Variants in ACBD5 observed in about 807,000 individuals in gnomAD.
The protein encoded by ACBD5 is acyl-CoA binding domain containing 5, also known as acyl-CoA-binding domain-containing protein 5.
ACBD5 carries 40 observed loss-of-function variants against 71.8 expected under a neutral mutation model. The ratio of observed to expected loss-of-function variants is 0.56; its 90% CI spans 0.43 to 0.72. The LOEUF is 0.72. ACBD5 is among the 30% of genes least tolerant of loss of function. The probability of loss-of-function intolerance (pLI) is 0.00; values close to 1 mark genes in which losing one functional copy is unlikely to be tolerated. For synonymous variants in ACBD5, 229 were observed against 218.6 expected (o/e 1.05, Z -0.42); for missense variants, 559 against 644.5 (o/e 0.87, Z 1.44).
In ACBD5 at chr10:27,195,274, C is replaced by T. The variant is rs1475262348; in HGVS notation, c.*2156G>A. ...TTACAATAAACAGAAAAGAAGTTATCATTAAAAAAATACCATAGCTGTCAA... is the reference window on the plus strand; with the variant it reads ...TTACAATAAACAGAAAAGAAGTTATTATTAAAAAAATACCATAGCTGTCAA... On this transcript the variant is annotated 3_prime_UTR_variant, in exon 13 of 13. Transcript: ENST00000396271. The T allele has an allele frequency of 2.3e-6, 1 of 427,978 alleles. No individual in the cohort carries two copies. The highest frequency in any genetic ancestry group is 4.6e-6 in the Non-Finnish European group (1 of 219,218). 26.5% of individuals were successfully genotyped at this position (427,978 alleles called of 1,614,324 possible).
chr10:27,208,432 T>A lies in ACBD5; in HGVS notation c.1218A>T (p.Gln406His), dbSNP rs2060702940. 1 of 1,613,790 alleles carries A rather than the reference T, an allele frequency of 6.2e-7. No individual in the cohort carries two copies. Among genetic ancestry groups the A allele is most frequent in the Admixed American group, 1.7e-5 (1 of 60,006 alleles). ...GGCCCTTGGTTCCTTCGCTCAAGTG[T>A]TGCATCCTATGTCCTATTTTAAGAG... ...NVRRGRGHRM[Q>H]HLSEGTKGRQ... is the part of the protein sequence containing the mutation. Residue 406 changes from glutamine (Q) to histidine (H), a missense_variant, in exon 10 of 13, where the codon CAA (glutamine) becomes CAT (histidine). Physicochemically the swap from Gln to His is conservative, Grantham distance 24. Coordinates refer to ENST00000396271, the MANE Select transcript of ACBD5 (RefSeq NM_145698.5).
chr10:27,204,313 T>C (rs1264630045), intron 12 of ACBD5, 127 bp downstream of exon 12: 3 of 710,386 alleles, frequency 4.2e-6, no homozygotes, highest in Non-Finnish European at 7.5e-6. Flanking sequence ...TCAGGATAAA[T>C]ATAGAATGTT....
intron 13 of ACBD5, among the ~76,000 whole-genome samples, chr10:27,184,297 G>A (rs967227855): frequency 1.3e-5 from 2 of 152,188 alleles, no homozygotes; most frequent in African/African-American, 4.8e-5. Context: ...TCTGTGAAGA[G>A]GGGCATTTGA....
chr10:27,208,185 A>G (rs2060669289), intron 10 of ACBD5, 61 bp downstream of exon 10: 16 of 1,499,496 alleles, frequency 1.1e-5, no homozygotes, highest in Non-Finnish European at 1.5e-5. Flanking sequence ...ATCAACGCAG[A>G]CTCCACATTG....
chr10:27,228,730 A>AT (rs2063399338), intron 4 of ACBD5, among the ~76,000 whole-genome samples: 1 of 145,282 alleles, frequency 6.9e-6, no homozygotes, highest in Non-Finnish European at 1.5e-5. Context: ...TTTCAGTGAC[A>AT]TTTTATGGGA....
At chr10:27,238,118 TGTATTTTTA>T (rs1224650501) in intron 2 of ACBD5, among the ~76,000 whole-genome samples, 1 of 151,952 alleles carries the variant, frequency 6.6e-6, no homozygotes, top group Non-Finnish European at 1.5e-5. Flanking sequence ...GCTAATTTTT[TGTATTTTTA>T]GTAGAGACGG....
In ACBD5 at chr10:27,208,405, C is replaced by T. The variant is rs1238142411; in HGVS notation, c.1245G>A (p.Arg415=). ...CCCCATCACCTCCACTTCCCACCTG[C>T]CGGCCCTTGGTTCCTTCGCTCAAGT... The part of the protein sequence containing the change: ...MQHLSEGTKG[R]QVGSGGDGER... The change falls in exon 10 of 13, where the codon CGG becomes CGA. Residue 415 remains arginine, a synonymous_variant. Coordinates refer to ENST00000396271, the MANE Select transcript of ACBD5 (RefSeq NM_145698.5). 7 of 1,614,034 alleles carry T rather than the reference C, an allele frequency of 4.3e-6. No homozygotes were observed. The highest frequency in any genetic ancestry group is 1.1e-5 in the South Asian group (1 of 91,086).
Position 27,240,363 on chromosome 10 carries a change from C to G in ACBD5, c.137G>C (p.Arg46Thr), listed in dbSNP as rs1350804446. 6.2e-7 allele frequency: 1 copy of G among 1,614,110 alleles called. No homozygotes were observed. Among genetic ancestry groups the G allele is most frequent in the South Asian group, 1.1e-5 (1 of 91,088 alleles). ...GATCACCTTCACGGCCGCCTCAAACCTAGTCTCGTGCACGGATCTCGTGTC... is the reference window on the plus strand; with the variant it reads ...GATCACCTTCACGGCCGCCTCAAACGTAGTCTCGTGCACGGATCTCGTGTC... ...MADTRSVHET[R>T]FEAAVKVIQS... The change falls in exon 2 of 13, where the codon AGG (arginine) becomes ACG (threonine). Residue 46 changes from arginine to threonine, a missense_variant. By Grantham distance (71) the Arg-to-Thr change is moderately conservative (BLOSUM62 -1). Coordinates refer to ENST00000396271, the MANE Select transcript of ACBD5 (RefSeq NM_145698.5). This position sits in a 1 kb window ranked among gnomAD's most constrained non-coding sequence, Gnocchi z 4.1.
At chr10:27,201,834 T>C (rs909916972) in intron 12 of ACBD5, among the ~76,000 whole-genome samples, 1 of 152,200 alleles carries the variant, frequency 6.6e-6, no homozygotes, top group East Asian at 1.9e-4. Context: ...CTATCAGACA[T>C]ATCCTAGTAT....
chr10:27,238,243 C>T (rs1475336435), intron 2 of ACBD5, among the ~76,000 whole-genome samples: 2 of 152,212 alleles, frequency 1.3e-5, no homozygotes, highest in Non-Finnish European at 2.9e-5. Context: ...TCCCACAGTG[C>T]TGGGATTACA....
chr10:27,241,603 C>G (rs2065500205), upstream of ACBD5, among the ~76,000 whole-genome samples: 1 of 152,092 alleles, frequency 6.6e-6, no homozygotes, highest in African/African-American at 2.4e-5. Flanking sequence ...CACAGTGGCT[C>G]ACGCCTGTAA....
chr10:27,193,122 T>G (rs950582737), downstream of ACBD5, among the ~76,000 whole-genome samples: 1 of 23,516 alleles, frequency 4.3e-5, no homozygotes, highest in Non-Finnish European at 7.0e-5. Context: ...TTCGTGTGTG[T>G]GTGTGTGTGT....
At chr10:27,203,880 T>C (rs1241747144) in intron 12 of ACBD5, among the ~76,000 whole-genome samples, 1 of 152,150 alleles carries the variant, frequency 6.6e-6, no homozygotes, top group Non-Finnish European at 1.5e-5. Context: ...CAAGTAATCC[T>C]CCTGCTTCGC....
At chr10:27,201,048 A>G (rs1411189491) in intron 12 of ACBD5, among the ~76,000 whole-genome samples, 27 of 152,166 alleles carry the variant, frequency 1.8e-4, no homozygotes. Context: ...CTATAGTCCC[A>G]GCTTCTCAGG....
In ACBD5 at chr10:27,206,673, G is replaced by A. The variant is rs184769481; in HGVS notation, c.1405-1425C>T. ...TGGGATTACAGGCATGCACCACCAC[G>A]CCCAGCTAATTTTTGTGTTTTTAGT... On this transcript the variant is annotated intron_variant, in intron 10 of 12. Transcript: ENST00000396271. 3.6e-3 allele frequency among the ~76,000 whole-genome samples: 543 copies of A among 151,954 alleles called. 2 individuals carry two copies. Among genetic ancestry groups the A allele is most frequent in the African/African-American group, 0.012 (509 of 41,478 alleles).
At chr10:27,221,917 C>CAAAAAAAAAAAAA (rs56253187) in intron 5 of ACBD5, among the ~76,000 whole-genome samples, 1 of 77,136 alleles carries the variant, frequency 1.3e-5, no homozygotes, top group Non-Finnish European at 2.5e-5. Context: ...GACTCCATCT[C>CAAAAAAAAAAAAA]AAAAAAAAAA....
chr10:27,207,381 A>C (rs750549131), intron 10 of ACBD5, among the ~76,000 whole-genome samples: 1 of 152,144 alleles, frequency 6.6e-6, no homozygotes, highest in Non-Finnish European at 1.5e-5. Context: ...TAACTTACTG[A>C]TTAGGTAAAG....
At chr10:27,224,005 A>T (rs998672993) in intron 4 of ACBD5, among the ~76,000 whole-genome samples, 11 of 152,126 alleles carry the variant, frequency 7.2e-5, no homozygotes, top group African/African-American at 2.7e-4. Flanking sequence ...AAGTGTTCTC[A>T]TTTTGAAGAT....
chr10:27,200,462 TG>T lies in ACBD5; in HGVS notation c.1566-3021del, dbSNP rs1217473913. 2.0e-5 allele frequency among the ~76,000 whole-genome samples: 3 copies of T among 152,034 alleles called. No homozygotes were observed. In the South Asian group the frequency reaches 6.2e-4, roughly 32 times the overall value. ...TTTCTTTTTTCTCTCTTTTTTTTTT[TG>T]AGATGGAGTCTCACTGTGTCACCCA... On this transcript the variant is annotated intron_variant, in intron 12 of 12. Coordinates refer to ENST00000396271, the MANE Select transcript of ACBD5 (RefSeq NM_145698.5).
Sources: gnomAD v4.1 joint callset for allele counts (sites outside exome capture counted in the v4.1 genomes callset) on GRCh38, gnomAD v4.1.1 for gene constraint, Gnocchi (gnomAD v3.1) non-coding constraint, MANE v1.5 for transcripts, NCBI Gene and HGNC (gene_info 2026-07-23, HGNC 2026-07-21) for gene names.